PCDH15: variants seen among roughly 807,000 people sequenced by gnomAD.
PCDH15 encodes protocadherin related 15, also known as protocadherin-15.
Under a neutral mutation model 178.5 loss-of-function variants are expected in PCDH15, and 129 were observed. The ratio of observed to expected loss-of-function variants is 0.72; its 90% CI spans 0.63 to 0.84. The LOEUF is 0.84. Among genes scored for constraint, PCDH15 ranks in the 40% least tolerant of loss-of-function variants. The pLI is 0.00. For missense variants in PCDH15, 2,230 were observed against 2,099.9 expected, an observed-to-expected ratio of 1.06 and a Z score of -1.21; for synonymous variants, 800 against 732.0, an observed-to-expected ratio of 1.09 and a Z score of -1.50.
intron 2 of PCDH15, among the ~76,000 whole-genome samples, chr10:55,372,417 A>C (rs560354430): frequency 2.0e-4 from 30 of 152,144 alleles, no homozygotes; most frequent in African/African-American, 6.5e-4. Context: ...ATATATACAA[A>C]AACTACTTTA....
intron 2 of PCDH15, among the ~76,000 whole-genome samples, chr10:55,494,883 T>C (rs1409023668): frequency 6.6e-6 from 1 of 151,826 alleles, no homozygotes; most frequent in African/African-American, 2.4e-5. Flanking sequence ...TACTACAATG[T>C]TACAGTACTA....
chr10:55,275,932 C>G (rs1404607534), intron 1 of PCDH15, among the ~76,000 whole-genome samples: 1 of 151,246 alleles, frequency 6.6e-6, no homozygotes. Context: ...AGCTCTTCTT[C>G]AGGTATTTTC....
At chr10:55,089,448 C>G (rs932346757) in intron 2 of PCDH15, among the ~76,000 whole-genome samples, 2 of 151,880 alleles carry the variant, frequency 1.3e-5, no homozygotes, top group Non-Finnish European at 2.9e-5. Flanking sequence ...ACATTTTTTT[C>G]AAGTGTCTAG....
chr10:54,307,144 AT>A (rs1733371007), intron 8 of PCDH15, among the ~76,000 whole-genome samples: 1 of 98,116 alleles, frequency 1.0e-5, no homozygotes, highest in African/African-American at 3.7e-5. Context: ...ATATATATAT[AT>A]ATATAAAATT....
intron 13 of PCDH15, among the ~76,000 whole-genome samples, chr10:54,167,912 C>T (rs2046429247): frequency 6.6e-6 from 1 of 151,378 alleles, no homozygotes; most frequent in Non-Finnish European, 1.5e-5. Context: ...CTCTGTGCCC[C>T]AACCCCTTTT....
intron 1 of PCDH15, among the ~76,000 whole-genome samples, chr10:54,732,205 C>A (rs1943505461): frequency 6.6e-6 from 1 of 151,126 alleles, no homozygotes; most frequent in South Asian, 2.1e-4. Flanking sequence ...AACTTAAATT[C>A]AAATTCATAT....
rs1232417872 is a variant in PCDH15 at position 53,962,418 on chromosome 10, A to C, written c.2869-526T>G. 2.0e-5 allele frequency among the ~76,000 whole-genome samples: 3 copies of C among 151,604 alleles called. No homozygotes were observed. The East Asian group carries it at 5.8e-4, about 29-fold the overall frequency. ...TAGTAAAGTGCAGGAATGGACATGAAAGCTAAAAAAACAAAAATTATTTAC... is the reference window on the plus strand; with the variant it reads ...TAGTAAAGTGCAGGAATGGACATGACAGCTAAAAAAACAAAAATTATTTAC... On this transcript the variant is annotated intron_variant, in intron 21 of 37. Coordinates refer to ENST00000644397, the MANE Select transcript of PCDH15 (RefSeq NM_001384140.1).
chr10:54,422,952 T>C (rs61853573), intron 3 of PCDH15, among the ~76,000 whole-genome samples: 24 of 152,250 alleles, frequency 1.6e-4, no homozygotes, highest in South Asian at 1.4e-3. Flanking sequence ...CACAAAAATA[T>C]GGAACATAAA....
chr10:55,188,523 C>T (rs577507197), intron 1 of PCDH15, among the ~76,000 whole-genome samples: 1 of 151,544 alleles, frequency 6.6e-6, no homozygotes, highest in Non-Finnish European at 1.5e-5. Context: ...TTTAACAGAC[C>T]CTCACTCTTT....
At chr10:54,745,275 A>G (rs575157271) in intron 1 of PCDH15, among the ~76,000 whole-genome samples, 7 of 152,182 alleles carry the variant, frequency 4.6e-5, no homozygotes, top group African/African-American at 1.7e-4. Flanking sequence ...GTGTGATTGG[A>G]GCTCAGATGA....
chr10:54,410,483 T>G (rs1953331731), intron 3 of PCDH15, among the ~76,000 whole-genome samples: 1 of 152,162 alleles, frequency 6.6e-6, no homozygotes, highest in Non-Finnish European at 1.5e-5. Flanking sequence ...AAATACTTAG[T>G]TGGGAATATT....
At chr10:54,057,460 A>T (rs1346347340) in intron 18 of PCDH15, among the ~76,000 whole-genome samples, 3 of 152,136 alleles carry the variant, frequency 2.0e-5, no homozygotes, top group African/African-American at 7.2e-5. Flanking sequence ...GGGGCTTGTA[A>T]CCTCTGAAGC....
At chr10:55,031,874 T>C (rs1840619992) in intron 2 of PCDH15, among the ~76,000 whole-genome samples, 1 of 152,192 alleles carries the variant, frequency 6.6e-6, no homozygotes, top group South Asian at 2.1e-4. Flanking sequence ...TTTTGTTCTT[T>C]ATAAATTACC....
chr10:53,879,409 G>A (rs969155970), intron 26 of PCDH15, among the ~76,000 whole-genome samples: 3 of 152,148 alleles, frequency 2.0e-5, no homozygotes, highest in Admixed American at 6.5e-5. Context: ...GAGGGTGGGA[G>A]CCAAGAAGCA....
intron 18 of PCDH15, among the ~76,000 whole-genome samples, chr10:54,066,102 T>C (rs1183590441): frequency 1.3e-5 from 2 of 152,206 alleles, no homozygotes; most frequent in African/African-American, 4.8e-5. Flanking sequence ...ATACTTCAAA[T>C]TGTGCACATC....
chr10:54,212,330 A>G (rs886724109), intron 10 of PCDH15, among the ~76,000 whole-genome samples: 2 of 152,078 alleles, frequency 1.3e-5, no homozygotes, highest in African/African-American at 4.8e-5. Context: ...TTTTTGTTGA[A>G]TAACTCCCAA....
intron 3 of PCDH15, among the ~76,000 whole-genome samples, chr10:54,866,598 A>G (rs112343973): frequency 0.039 from 5,988 of 152,238 alleles, 174 homozygotes; most frequent in Middle Eastern, 0.058. Flanking sequence ...TGAGTTCTCA[A>G]TTTTGTCAAA....
chr10:55,265,122 C>T (rs1564947758), intron 1 of PCDH15, among the ~76,000 whole-genome samples: 1 of 152,014 alleles, frequency 6.6e-6, no homozygotes, highest in Non-Finnish European at 1.5e-5. Flanking sequence ...GAAATCCTCA[C>T]CCTAAAGAAG....
intron 1 of PCDH15, among the ~76,000 whole-genome samples, chr10:55,290,303 A>T (rs1170974778): frequency 6.6e-6 from 1 of 152,016 alleles, no homozygotes; most frequent in African/African-American, 2.4e-5. Context: ...AATGTTTAAT[A>T]CTTTTAATAT....
Sources: gnomAD v4.1 joint callset for allele counts (sites outside exome capture counted in the v4.1 genomes callset) on GRCh38, gnomAD v4.1.1 for gene constraint, MANE v1.5 for transcripts, NCBI Gene and HGNC (gene_info 2026-07-23, HGNC 2026-07-21) for gene names.